PRKAR2A: variants seen among roughly 807,000 people sequenced by gnomAD.
PRKAR2A encodes cAMP-dependent protein kinase type II-alpha regulatory subunit.
Under a neutral mutation model 51.9 loss-of-function variants are expected in PRKAR2A, and 29 were observed. The observed-to-expected ratio is 0.56, with a 90% CI of 0.42 to 0.76. The LOEUF (loss-of-function observed/expected upper bound fraction) is 0.76. PRKAR2A is among the 30% of genes least tolerant of loss of function. PRKAR2A has a pLI of 0.00. For missense variants in PRKAR2A, 445 were observed against 512.1 expected (o/e 0.87, Z 1.26); for synonymous variants, 178 against 186.2 (o/e 0.96, Z 0.36).
intron 2 of PRKAR2A, among the ~76,000 whole-genome samples, chr3:48,794,854 G>C (rs982430872): frequency 6.6e-6 from 1 of 152,088 alleles, no homozygotes; most frequent in Non-Finnish European, 1.5e-5. Context: ...ACTTTTACTG[G>C]TTAATTTTTC....
At chr3:48,765,724 CAAAAA>C (rs756566818) in intron 6 of PRKAR2A, among the ~76,000 whole-genome samples, 4 of 45,254 alleles carry the variant, frequency 8.8e-5, no homozygotes, top group Admixed American at 7.0e-4. Flanking sequence ...ACCCTCATTT[CAAAAA>C]AAAAAAAAAA....
intron 8 of PRKAR2A, 119 bp downstream of exon 8, chr3:48,764,885 G>A (rs575058478): frequency 1.1e-5 from 9 of 819,364 alleles, no homozygotes; most frequent in East Asian, 2.7e-5. Context: ...TCAGCCTCCC[G>A]AAGTGTTGGG....
intron 1 of PRKAR2A, among the ~76,000 whole-genome samples, chr3:48,829,802 T>C (rs1289745422): frequency 1.5e-5 from 2 of 132,960 alleles, no homozygotes; most frequent in African/African-American, 5.3e-5. Flanking sequence ...TATGCGTATA[T>C]ATACATATAT....
intron 1 of PRKAR2A, among the ~76,000 whole-genome samples, chr3:48,846,658 A>G (rs2083468403): frequency 1.3e-5 from 2 of 152,210 alleles, no homozygotes; most frequent in African/African-American, 2.4e-5. Flanking sequence ...GGCCGGCAAG[A>G]TAATTATTTA....
chr3:48,826,144 T>C (rs903255898), intron 1 of PRKAR2A, among the ~76,000 whole-genome samples: 2 of 152,178 alleles, frequency 1.3e-5, no homozygotes, highest in Non-Finnish European at 2.9e-5. Flanking sequence ...CACGCACCTC[T>C]GGTTCTAGCT....
At chr3:48,759,408 C>T (rs1381352175) in intron 8 of PRKAR2A, among the ~76,000 whole-genome samples, 2 of 139,400 alleles carry the variant, frequency 1.4e-5, no homozygotes, top group East Asian at 2.2e-4. Context: ...TTTTTTGAGA[C>T]GGAGTTTCAC....
intron 1 of PRKAR2A, among the ~76,000 whole-genome samples, chr3:48,828,715 A>AC (rs1469250923): frequency 6.6e-6 from 1 of 150,970 alleles, no homozygotes; most frequent in Non-Finnish European, 1.5e-5. Flanking sequence ...CTCCAAAAAA[A>AC]AAAAAAAAAA....
At chr3:48,765,760 C>T (rs2081932174) in intron 6 of PRKAR2A, among the ~76,000 whole-genome samples, 1 of 141,764 alleles carries the variant, frequency 7.1e-6, no homozygotes, top group African/African-American at 2.6e-5. Flanking sequence ...AGACACCTCA[C>T]CAAAAGAGAG....
At position 48,756,366 on chromosome 3, in the gene PRKAR2A, CT is replaced by C. The variant is rs1193000527; in HGVS notation, c.939+12del. 4.4e-6 allele frequency: 7 copies of C among 1,607,412 alleles called. No individual in the cohort carries two copies. The highest frequency in any genetic ancestry group is 1.7e-5 in the Admixed American group (1 of 59,984). On this transcript the variant is annotated intron_variant, in intron 9 of 10. Coordinates refer to ENST00000265563, the MANE Select transcript of PRKAR2A (RefSeq NM_004157.4). ...TTGTGTGTACACCATCACATATAAA[CT>C]GATAAACTCACCCTGCTTCTAATCA...
At chr3:48,778,820 C>CT (rs1559615026) in intron 5 of PRKAR2A, among the ~76,000 whole-genome samples, 1 of 128,580 alleles carries the variant, frequency 7.8e-6, no homozygotes, top group African/African-American at 3.0e-5. Flanking sequence ...GCTCGGCCTG[C>CT]ATTTTTTTTT....
chr3:48,759,482 G>C (rs1345293398), intron 8 of PRKAR2A, among the ~76,000 whole-genome samples: 1 of 152,014 alleles, frequency 6.6e-6, no homozygotes, highest in Non-Finnish European at 1.5e-5. Flanking sequence ...TACCTCCTGG[G>C]TTCAAGTGAT....
chr3:48,841,574 T>TTTGGTTATA (rs2083382968), intron 1 of PRKAR2A, among the ~76,000 whole-genome samples: 1 of 150,164 alleles, frequency 6.7e-6, no homozygotes, highest in African/African-American at 2.4e-5. Flanking sequence ...AAAAAGGTGT[T>TTTGGTTATA]TTGGTTATAT....
chr3:48,833,704 T>G (rs2083232206), intron 1 of PRKAR2A, among the ~76,000 whole-genome samples: 2 of 141,834 alleles, frequency 1.4e-5, no homozygotes, highest in Non-Finnish European at 1.5e-5. Flanking sequence ...GAGTGAGACT[T>G]GGTCTCAAAA....
rs1294211754 is a variant in PRKAR2A, at chr3:48,750,674, A to G, written c.*911T>C. 1 of 152,696 alleles carries G rather than the reference A, an allele frequency of 6.5e-6. No homozygotes were observed. The highest frequency in any genetic ancestry group is 1.5e-5 in the Non-Finnish European group (1 of 68,098). 9.5% of individuals were successfully genotyped at this position (152,696 alleles called of 1,614,324 possible). ...TCAGCTAGTAGAGGCAACTGCAAAC[A>G]AATGGTAGGAGTTGCCCAGGAAGGT... On this transcript the variant is annotated 3_prime_UTR_variant, in exon 11 of 11. Transcript: ENST00000265563.
At chr3:48,804,788 G>T (rs1412720924) in intron 2 of PRKAR2A, among the ~76,000 whole-genome samples, 1 of 152,144 alleles carries the variant, frequency 6.6e-6, no homozygotes, top group Non-Finnish European at 1.5e-5. Flanking sequence ...GGAGGTCAAA[G>T]AATGGAAGGC....
chr3:48,765,233 T>C lies in PRKAR2A; in HGVS notation c.798+15A>G, dbSNP rs746227168. 35 of 1,592,552 alleles carry C rather than the reference T, an allele frequency of 2.2e-5. No homozygotes were observed. In the South Asian group the frequency reaches 3.9e-4, roughly 18 times the overall value. On this transcript the variant is annotated intron_variant, in intron 7 of 10. Transcript: ENST00000265563. ...CCTGATCCCCATGAACAGATTCTTA[T>C]TCAAGCCACTTTACCTCTAGTGATT... is the stretch of plus-strand genomic sequence containing the variant.
rs191345924 is a variant in PRKAR2A at position 48,816,494 on chromosome 3, C to T, written c.263-8810G>A. 4.8e-3 allele frequency among the ~76,000 whole-genome samples: 721 copies of T among 151,694 alleles called. 6 individuals carry two copies. The highest frequency in any genetic ancestry group is 9.2e-3 in the African/African-American group (380 of 41,344). On this transcript the variant is annotated intron_variant, in intron 1 of 10. Transcript: ENST00000265563. ...TCTCTACTAAAATACAAAAATTAGCCGGGTGTGGTGGCGCGTGACTGTAGT... is the reference window on the plus strand; with the variant it reads ...TCTCTACTAAAATACAAAAATTAGCTGGGTGTGGTGGCGCGTGACTGTAGT...
rs2081637394 is a variant in PRKAR2A at position 48,750,918 on chromosome 3, T to TC, written c.*666_*667insG. 1 of 159,412 alleles carries TC rather than the reference T, an allele frequency of 6.3e-6. No individual in the cohort carries two copies. The allele number at this position is 159,412 out of a possible 1,614,324, so 9.9% of individuals were successfully genotyped here. ...TGCTCTAACATGGGTCCCACGGACC[T>TC]ATCAGTCTGCTCTGGGGTGCTGACC... On this transcript the variant is annotated 3_prime_UTR_variant, in exon 11 of 11. Transcript: ENST00000265563.
rs34140561 is a variant in PRKAR2A at position 48,773,339 on chromosome 3, C to CTTTTTT, written c.543-237_543-232dup. 5.3e-3 allele frequency among the ~76,000 whole-genome samples: 465 copies of CTTTTTT among 87,672 alleles called. 2 individuals carry two copies. The highest frequency in any genetic ancestry group is 0.016 in the African/African-American group (338 of 21,412). The allele number at this position is 87,672 out of a possible 152,430, so 57.5% of individuals were successfully genotyped here. ...TGTGGCATTCTTGGAATTTTCTTTT[C>CTTTTTT]TTTTTTTTTTTTTTTTTTTTTTGAG... is the stretch of plus-strand genomic sequence containing the variant. On this transcript the variant is annotated intron_variant, in intron 5 of 10. Transcript: ENST00000265563.
Sources: allele counts gnomAD v4.1 joint callset (sites outside exome capture counted in the v4.1 genomes callset), GRCh38; gene constraint gnomAD v4.1.1; transcripts MANE v1.5; gene names NCBI Gene and HGNC (gene_info 2026-07-23, HGNC 2026-07-21).